The following IGF1R variants were observed in gnomAD, a reference collection of about 807,000 sequenced individuals.
IGF1R encodes insulin-like growth factor 1 receptor.
A neutral mutation model predicts 144.6 loss-of-function variants in IGF1R; 44 were observed. The ratio of observed to expected loss-of-function variants is 0.30; its 90% CI spans 0.24 to 0.39. The LOEUF (loss-of-function observed/expected upper bound fraction) is 0.39. Ranked by LOEUF, IGF1R falls within the 10% of genes least tolerant of loss-of-function variation. The probability of loss-of-function intolerance (pLI) is 1.00; values close to 1 mark genes in which losing one functional copy is unlikely to be tolerated. For missense variants in IGF1R, 1,355 were observed against 1,833.7 expected, an observed-to-expected ratio of 0.74 and a Z score of 4.77; for synonymous variants, 795 against 722.8, an observed-to-expected ratio of 1.10 and a Z score of -1.60.
At chr15:98,669,589 C>T (rs985691374) in intron 1 of IGF1R, among the ~76,000 whole-genome samples, 2 of 152,158 alleles carry the variant, frequency 1.3e-5, no homozygotes, top group Non-Finnish European at 2.9e-5. Context: ...GGCGGGTCAT[C>T]GAGTAGGAAC....
intron 2 of IGF1R, among the ~76,000 whole-genome samples, chr15:98,877,513 T>TTTCTC (rs773470156): frequency 1.8e-5 from 2 of 111,404 alleles, no homozygotes. Context: ...TTTTTTTTTT[T>TTTCTC]CCCCAAAAAA....
rs181294939 is a variant in IGF1R, at chr15:98,957,743, T to G, written c.*301T>G. The stretch of plus-strand genomic sequence containing the variant: ...CACTTGAGAACCAGTCTCCTCACTC[T>G]GTCCCTGTCCTTCCCTGTTCTCCCT... On this transcript the variant is annotated 3_prime_UTR_variant, in exon 21 of 21. Coordinates refer to ENST00000650285, the MANE Select transcript of IGF1R (RefSeq NM_000875.5). 7.5e-5 allele frequency: 36 copies of G among 477,152 alleles called. No homozygotes were observed. Among genetic ancestry groups the G allele is most frequent in the Admixed American group, 7.4e-4 (20 of 26,964 alleles). 29.6% of individuals were successfully genotyped at this position (477,152 alleles called of 1,614,324 possible). A position where few individuals can be genotyped will look rare whatever the true frequency, so the allele number is the denominator to read the frequency against.
chr15:98,903,249 C>G (rs1263222495), intron 5 of IGF1R, among the ~76,000 whole-genome samples: 2 of 152,122 alleles, frequency 1.3e-5, no homozygotes, highest in African/African-American at 2.4e-5. Context: ...CTGATGGCAT[C>G]AGATAAATAA....
chr15:98,934,255 C>T (rs910173854), intron 15 of IGF1R, among the ~76,000 whole-genome samples: 2 of 152,020 alleles, frequency 1.3e-5, no homozygotes, highest in Non-Finnish European at 2.9e-5. Flanking sequence ...GTGTTGAGGG[C>T]CCTGACACCT....
chr15:98,936,457 T>G (rs2016152572), intron 17 of IGF1R, among the ~76,000 whole-genome samples: 1 of 152,160 alleles, frequency 6.6e-6, no homozygotes, highest in Non-Finnish European at 1.5e-5. Flanking sequence ...CAGCAAGAAC[T>G]GAGTTTTCAT....
chr15:98,959,570 C>T lies in IGF1R; in HGVS notation c.*2128C>T, dbSNP rs574307720. 5.7e-4 allele frequency: 133 copies of T among 233,648 alleles called. No homozygotes were observed. Among genetic ancestry groups the T allele is most frequent in the Non-Finnish European group, 9.3e-4 (110 of 118,036 alleles). 14.5% of individuals were successfully genotyped at this position (233,648 alleles called of 1,614,324 possible). Reference sequence around the variant, plus strand: ...AGCCCCTTTGCTTCTTGCTGGGGGACCAGGGCTGTGGTGCTGGCCCACTTT... The same window carrying T: ...AGCCCCTTTGCTTCTTGCTGGGGGATCAGGGCTGTGGTGCTGGCCCACTTT... On this transcript the variant is annotated 3_prime_UTR_variant, in exon 21 of 21. Coordinates refer to ENST00000650285, the MANE Select transcript of IGF1R (RefSeq NM_000875.5).
chr15:98,828,052 A>G (rs2056927952), intron 2 of IGF1R, among the ~76,000 whole-genome samples: 1 of 152,192 alleles, frequency 6.6e-6, no homozygotes, highest in Non-Finnish European at 1.5e-5. Flanking sequence ...CGTGATGTGA[A>G]AAAGCAAGGC....
chr15:98,765,280 C>G (rs2055407218), intron 2 of IGF1R, among the ~76,000 whole-genome samples: 1 of 147,072 alleles, frequency 6.8e-6, no homozygotes, highest in Non-Finnish European at 1.5e-5. Context: ...GTATATCTCT[C>G]TCTCTCACCC....
intron 2 of IGF1R, among the ~76,000 whole-genome samples, chr15:98,766,008 C>G (rs944154628): frequency 2.6e-5 from 4 of 152,112 alleles, no homozygotes; most frequent in Non-Finnish European, 4.4e-5. Flanking sequence ...CCGTGGGGAC[C>G]TGGGTTAGGG....
At chr15:98,791,534 C>T (rs777603907) in intron 2 of IGF1R, among the ~76,000 whole-genome samples, 2 of 152,056 alleles carry the variant, frequency 1.3e-5, no homozygotes, top group Non-Finnish European at 2.9e-5. Flanking sequence ...CAAAAGTACC[C>T]ATTGGTATCA....
At chr15:98,716,171 T>G (rs1316749858) in intron 2 of IGF1R, among the ~76,000 whole-genome samples, 2 of 152,142 alleles carry the variant, frequency 1.3e-5, no homozygotes, top group African/African-American at 4.8e-5. Context: ...TTCCTTTCTT[T>G]GAACTCGGGG....
At chr15:98,678,548 T>G (rs991346088) in intron 1 of IGF1R, among the ~76,000 whole-genome samples, 1 of 152,058 alleles carries the variant, frequency 6.6e-6, no homozygotes, top group Non-Finnish European at 1.5e-5. Context: ...GTTGTTGGTG[T>G]TGTTTTTAGT....
chr15:98,777,460 G>GT (rs1258819768), intron 2 of IGF1R, among the ~76,000 whole-genome samples: 3 of 152,250 alleles, frequency 2.0e-5, no homozygotes, highest in Admixed American at 6.5e-5. Flanking sequence ...CAAAATGCTG[G>GT]TTAAGGACAC....
chr15:98,680,303 G>C (rs1335519136), intron 1 of IGF1R, among the ~76,000 whole-genome samples: 4 of 150,526 alleles, frequency 2.7e-5, no homozygotes, highest in African/African-American at 9.8e-5. Context: ...GTCTCGCTCT[G>C]TCGCCCAGGC....
rs151150340 is a variant in IGF1R at position 98,909,361 on chromosome 15, C to T, written c.1462+462C>T. The stretch of plus-strand genomic sequence containing the variant: ...ACTGTAACCTCCACCTCGGTTCAAG[C>T]GGTTCTCATGCCTCAGCCTCCCGAG... On this transcript the variant is annotated intron_variant, in intron 6 of 20. Coordinates refer to ENST00000650285, the MANE Select transcript of IGF1R (RefSeq NM_000875.5). 3.9e-3 allele frequency among the ~76,000 whole-genome samples: 571 copies of T among 146,728 alleles called. 5 individuals are homozygous for T. The highest frequency in any genetic ancestry group is 0.014 in the African/African-American group (551 of 39,636).
chr15:98,853,968 G>GT (rs1175811279), intron 2 of IGF1R, among the ~76,000 whole-genome samples: 13 of 152,196 alleles, frequency 8.5e-5, no homozygotes, highest in East Asian at 5.8e-4. Flanking sequence ...ATTTCTCTCT[G>GT]TTTTTTTCTC....
chr15:98,823,269 C>T (rs1182396892), intron 2 of IGF1R, among the ~76,000 whole-genome samples: 4 of 152,162 alleles, frequency 2.6e-5, no homozygotes, highest in African/African-American at 9.7e-5. Flanking sequence ...AAGGAGGAAG[C>T]CGAAATGCAA....
At chr15:98,733,257 A>G (rs1218223192) in intron 2 of IGF1R, among the ~76,000 whole-genome samples, 1 of 152,128 alleles carries the variant, frequency 6.6e-6, no homozygotes, top group African/African-American at 2.4e-5. Context: ...TCTGTTGCCC[A>G]GGCTGGAGTG....
At chr15:98,907,316 G>T (rs1030923780) in intron 5 of IGF1R, among the ~76,000 whole-genome samples, 1 of 152,200 alleles carries the variant, frequency 6.6e-6, no homozygotes, top group African/African-American at 2.4e-5. Context: ...CCTGGTTTGG[G>T]TGTAAATGAA....
Sources: allele counts gnomAD v4.1 joint callset (sites outside exome capture counted in the v4.1 genomes callset), GRCh38; gene constraint gnomAD v4.1.1; transcripts MANE v1.5; gene names NCBI Gene and HGNC (gene_info 2026-07-23, HGNC 2026-07-21).